CA10: variants seen among roughly 807,000 people sequenced by gnomAD.
The protein encoded by CA10 is carbonic anhydrase 10 (inactive), also known as carbonic anhydrase-related protein 10.
In CA10, 14 loss-of-function variants were observed where a neutral mutation model predicts 44.2. The observed-to-expected ratio is 0.32, with a 90% CI of 0.21 to 0.50. CA10 has a LOEUF of 0.50. CA10 is among the 20% of genes least tolerant of loss of function. The pLI, the probability that CA10 is intolerant of heterozygous loss-of-function variation, is 0.99. For synonymous variants in CA10, 159 were observed against 141.6 expected (o/e 1.12, Z -0.87); for missense variants, 350 against 409.7 (o/e 0.85, Z 1.26).
chr17:52,038,586 T>C (rs1388857535), intron 2 of CA10, among the ~76,000 whole-genome samples: 21 of 152,124 alleles, frequency 1.4e-4, no homozygotes. Context: ...GCTGAGGCAA[T>C]AACAGATACG....
chr17:51,946,446 G>GA (rs1405471345), intron 2 of CA10, among the ~76,000 whole-genome samples: 1 of 152,138 alleles, frequency 6.6e-6, no homozygotes, highest in Non-Finnish European at 1.5e-5. Context: ...CTGGTGCACT[G>GA]AACCTCCTTT....
chr17:51,663,641 T>C (rs571990812), intron 4 of CA10, among the ~76,000 whole-genome samples: 1 of 152,298 alleles, frequency 6.6e-6, no homozygotes, highest in African/African-American at 2.4e-5. Flanking sequence ...AGCTCAGGTG[T>C]ACATGGGATA....
intron 1 of CA10, among the ~76,000 whole-genome samples, chr17:52,088,073 T>C (rs1188505589): frequency 1.3e-5 from 2 of 152,186 alleles, no homozygotes; most frequent in Non-Finnish European, 2.9e-5. Flanking sequence ...TGGGGCCTAT[T>C]GGAGGATGGA....
chr17:51,775,904 A>G (rs117966795), intron 3 of CA10, among the ~76,000 whole-genome samples: 3,695 of 152,200 alleles, frequency 0.024, 83 homozygotes, highest in Non-Finnish European at 0.03. Context: ...AAACAGAGAA[A>G]CAGAAGGGGA....
intron 3 of CA10, among the ~76,000 whole-genome samples, chr17:51,772,780 C>T (rs1440377787): frequency 6.6e-6 from 1 of 152,052 alleles, no homozygotes; most frequent in Non-Finnish European, 1.5e-5. Flanking sequence ...AATTGAGACT[C>T]AAGTTCAAGT....
intron 4 of CA10, among the ~76,000 whole-genome samples, chr17:51,690,021 C>A (rs1267615549): frequency 6.6e-6 from 1 of 151,520 alleles, no homozygotes; most frequent in Non-Finnish European, 1.5e-5. Flanking sequence ...GATCTTGGCT[C>A]ACTGCAACCA....
chr17:52,081,345 G>T (rs1339181158), intron 1 of CA10, among the ~76,000 whole-genome samples: 2 of 152,092 alleles, frequency 1.3e-5, no homozygotes, highest in Non-Finnish European at 2.9e-5. Context: ...AAATAAGTTT[G>T]GCTTCTTTAA....
At chr17:51,640,210 G>A (rs765552381) in intron 6 of CA10, among the ~76,000 whole-genome samples, 3 of 152,260 alleles carry the variant, frequency 2.0e-5, no homozygotes, top group East Asian at 3.9e-4. Flanking sequence ...AACACTGCTC[G>A]AATGAACAAA....
chr17:51,651,604 C>A (rs1913568549), intron 5 of CA10, among the ~76,000 whole-genome samples: 1 of 152,140 alleles, frequency 6.6e-6, no homozygotes, highest in Non-Finnish European at 1.5e-5. Flanking sequence ...ACTTGCAAAC[C>A]CCAGCTGCTA....
In CA10 at chr17:51,697,543, C is replaced by T. The variant is rs1230286425; in HGVS notation, c.466-43807G>A. On this transcript the variant is annotated intron_variant, in intron 4 of 8. Coordinates refer to ENST00000451037, the MANE Select transcript of CA10 (RefSeq NM_020178.5). ...TCCTCCTCCTGCCACTCTCAAGACC[C>T]TTTGCTTTGCTTTCTCTTCTTTCCA... 3.3e-5 allele frequency among the ~76,000 whole-genome samples: 5 copies of T among 152,314 alleles called. 1 individual carries two copies. The highest frequency in any genetic ancestry group is 6.8e-3 in the Middle Eastern group (2 of 294).
intron 3 of CA10, among the ~76,000 whole-genome samples, chr17:51,834,525 C>T (rs986672080): frequency 6.6e-6 from 1 of 152,224 alleles, no homozygotes; most frequent in African/African-American, 2.4e-5. Context: ...GTTCCACTTT[C>T]TCTTTAACTG....
chr17:51,793,088 T>A (rs1480071246), intron 3 of CA10, among the ~76,000 whole-genome samples: 1 of 152,228 alleles, frequency 6.6e-6, no homozygotes, highest in Non-Finnish European at 1.5e-5. Flanking sequence ...TATCCCTGTC[T>A]ATGCTGTTCC....
At chr17:51,745,586 A>C (rs1341433415) in intron 4 of CA10, among the ~76,000 whole-genome samples, 7 of 152,154 alleles carry the variant, frequency 4.6e-5, no homozygotes, top group Non-Finnish European at 1.0e-4. Flanking sequence ...TAAGAGATCA[A>C]ATTACTATAT....
intron 3 of CA10, among the ~76,000 whole-genome samples, chr17:51,798,118 T>C (rs1906787386): frequency 6.6e-6 from 1 of 152,202 alleles, no homozygotes; most frequent in South Asian, 2.1e-4. Flanking sequence ...GCACATGCCC[T>C]GTCCCTTAAT....
rs374794656 is a variant in CA10, at chr17:51,960,152, C to T, written c.137-29020G>A. On this transcript the variant is annotated intron_variant, in intron 2 of 8. Coordinates refer to ENST00000451037, the MANE Select transcript of CA10 (RefSeq NM_020178.5). ...AAAATAAACTGGATGAATGCAATAG[C>T]AGAATGGAGATGCCAGAAAAAAAAG... Among the ~76,000 whole-genome samples, 202 of 151,108 alleles carry T rather than the reference C, an allele frequency of 1.3e-3. 3 individuals are homozygous for T. The highest frequency in any genetic ancestry group is 4.6e-3 in the African/African-American group (190 of 41,224).
intron 3 of CA10, among the ~76,000 whole-genome samples, chr17:51,871,945 T>C (rs902837630): frequency 2.0e-5 from 3 of 152,134 alleles, no homozygotes; most frequent in Non-Finnish European, 4.4e-5. Context: ...TAAAAGATAA[T>C]ATAACCAAAG....
intron 3 of CA10, among the ~76,000 whole-genome samples, chr17:51,826,595 A>G (rs1908017193): frequency 6.6e-6 from 1 of 151,968 alleles, no homozygotes; most frequent in South Asian, 2.1e-4. Flanking sequence ...GTGGACATTC[A>G]GAGTTACCCC....
At chr17:51,651,556 C>T (rs925359122) in intron 5 of CA10, among the ~76,000 whole-genome samples, 5 of 152,208 alleles carry the variant, frequency 3.3e-5, no homozygotes, top group Non-Finnish European at 7.3e-5. Context: ...GGTCTACAGC[C>T]TAAGTTTCTT....
intron 4 of CA10, among the ~76,000 whole-genome samples, chr17:51,731,343 C>T (rs540668797): frequency 2.6e-4 from 40 of 152,260 alleles, no homozygotes; most frequent in African/African-American, 9.6e-4. Context: ...TACCACTGCA[C>T]TCCAGCCTGG....
Sources: allele counts gnomAD v4.1 joint callset (sites outside exome capture counted in the v4.1 genomes callset), GRCh38; gene constraint gnomAD v4.1.1; transcripts MANE v1.5; gene names NCBI Gene and HGNC (gene_info 2026-07-23, HGNC 2026-07-21).